The following ELOVL6 variants were observed in gnomAD, a reference collection of about 807,000 sequenced individuals.
ELOVL6 encodes ELOVL fatty acid elongase 6, also known as very long chain fatty acid elongase 6.
In ELOVL6, 8 loss-of-function variants were observed where a neutral mutation model predicts 31.7. The observed-to-expected ratio is 0.25, with a 90% CI of 0.15 to 0.45. The LOEUF (loss-of-function observed/expected upper bound fraction) is 0.45. Among genes scored for constraint, ELOVL6 ranks in the 20% least tolerant of loss-of-function variants. The probability of loss-of-function intolerance (pLI) is 1.00; values close to 1 mark genes in which losing one functional copy is unlikely to be tolerated. For missense variants in ELOVL6, 126 were observed against 326.4 expected (o/e 0.39, Z 4.73); for synonymous variants, 101 against 117.7 (o/e 0.86, Z 0.92).
intron 2 of ELOVL6, among the ~76,000 whole-genome samples, chr4:110,084,185 A>ACATATAACTTATGTGATATATATAT (rs1756066682): frequency 3.0e-5 from 2 of 67,592 alleles, no homozygotes; most frequent in East Asian, 6.3e-4. Context: ...GATATATATA[A>ACATATAACTTATGTGATATATATAT]CATATAACTT....
chr4:110,056,802 T>C (rs1427272053), intron 3 of ELOVL6, among the ~76,000 whole-genome samples: 1 of 152,144 alleles, frequency 6.6e-6, no homozygotes, highest in Non-Finnish European at 1.5e-5. Context: ...TGACTGCAAA[T>C]AGGAGACTGG....
At chr4:110,127,651 A>G (rs546158200) in intron 1 of ELOVL6, among the ~76,000 whole-genome samples, 2 of 152,270 alleles carry the variant, frequency 1.3e-5, no homozygotes, top group African/African-American at 4.8e-5. Context: ...AAATATATTT[A>G]TTTAATAAAA....
chr4:110,046,003 T>C lies in ELOVL6; in HGVS notation c.*5335A>G, dbSNP rs1028957070. ...TTATATGGGTGGGCTTCCATATGAA[T>C]ATGGGCTCTGAGGTCCCCAAGAAGC... On this transcript the variant is annotated 3_prime_UTR_variant, in exon 4 of 4. Coordinates refer to ENST00000302274, the MANE Select transcript of ELOVL6 (RefSeq NM_024090.3). 6.6e-6 allele frequency: 1 copy of C among 152,166 alleles called. No homozygotes were observed. Among genetic ancestry groups the C allele is most frequent in the Non-Finnish European group, 1.5e-5 (1 of 68,032 alleles). 9.4% of individuals were successfully genotyped at this position (152,166 alleles called of 1,614,324 possible). A position where few individuals can be genotyped will look rare whatever the true frequency, so the allele number is the denominator to read the frequency against.
At chr4:110,059,338 G>A (rs1038584277) in intron 3 of ELOVL6, among the ~76,000 whole-genome samples, 15 of 152,158 alleles carry the variant, frequency 9.9e-5, no homozygotes, top group Admixed American at 5.2e-4. Context: ...TTATAAGTCC[G>A]TGGAGGTATA....
At chr4:110,110,710 G>GTATTAAATTAAT (rs1183589763) in intron 1 of ELOVL6, among the ~76,000 whole-genome samples, 2 of 151,996 alleles carry the variant, frequency 1.3e-5, no homozygotes, top group Non-Finnish European at 2.9e-5. Flanking sequence ...GGTTTTATTC[G>GTATTAAATTAAT]TAAGTAAATT....
intron 1 of ELOVL6, among the ~76,000 whole-genome samples, chr4:110,188,620 G>C (rs1259417627): frequency 6.6e-6 from 1 of 152,130 alleles, no homozygotes; most frequent in Non-Finnish European, 1.5e-5. Context: ...AGGCGCGGTG[G>C]CTCATGACTG....
chr4:110,052,839 C>T (rs1208499692), intron 3 of ELOVL6, among the ~76,000 whole-genome samples: 1 of 152,236 alleles, frequency 6.6e-6, no homozygotes, highest in Non-Finnish European at 1.5e-5. Context: ...TTTCTCCTTC[C>T]TATCTCTATG....
At chr4:110,152,047 T>C (rs1046106163) in intron 1 of ELOVL6, among the ~76,000 whole-genome samples, 2 of 152,044 alleles carry the variant, frequency 1.3e-5, no homozygotes, top group African/African-American at 2.4e-5. Flanking sequence ...TAAAAGGGAG[T>C]TTAATACAGA....
intron 2 of ELOVL6, among the ~76,000 whole-genome samples, chr4:110,093,723 C>T (rs1260580955): frequency 6.6e-6 from 1 of 151,980 alleles, no homozygotes; most frequent in Non-Finnish European, 1.5e-5. Context: ...ATCAGACAGA[C>T]AAAAATCACT....
intron 1 of ELOVL6, among the ~76,000 whole-genome samples, chr4:110,160,020 A>G (rs910361767): frequency 4.6e-5 from 7 of 152,172 alleles, no homozygotes; most frequent in African/African-American, 1.7e-4. Context: ...AACATTAGGA[A>G]AAGTGGCACC....
intron 2 of ELOVL6, among the ~76,000 whole-genome samples, chr4:110,103,019 T>G (rs570742141): frequency 5.3e-4 from 80 of 152,300 alleles, no homozygotes; most frequent in African/African-American, 1.7e-3. Flanking sequence ...ATAAGTCTTA[T>G]GAGATCTGAT....
chr4:110,079,907 A>G (rs371524101), intron 2 of ELOVL6, among the ~76,000 whole-genome samples: 37,662 of 151,948 alleles, frequency 0.25, 4,864 homozygotes, highest in Non-Finnish European at 0.29. Flanking sequence ...GATAAAGGGG[A>G]TATCACCACC....
intron 2 of ELOVL6, among the ~76,000 whole-genome samples, chr4:110,080,524 T>C (rs1380590678): frequency 6.6e-6 from 1 of 152,184 alleles, no homozygotes; most frequent in East Asian, 1.9e-4. Flanking sequence ...AGAAAAGGCC[T>C]TTGACAAAAT....
At chr4:110,134,248 A>G (rs1451155591) in intron 1 of ELOVL6, among the ~76,000 whole-genome samples, 1 of 152,208 alleles carries the variant, frequency 6.6e-6, no homozygotes, top group Non-Finnish European at 1.5e-5. Context: ...GCTTGAAGTG[A>G]CGAGAGAACA....
chr4:110,083,608 G>C (rs1755953453), intron 2 of ELOVL6, among the ~76,000 whole-genome samples: 1 of 151,626 alleles, frequency 6.6e-6, no homozygotes, highest in African/African-American at 2.4e-5. Context: ...TAGGTTTTAA[G>C]CAGGTAATGA....
chr4:110,084,047 T>TGCTATATATGATATATAACATATATAC (rs1560813723), intron 2 of ELOVL6, among the ~76,000 whole-genome samples: 6 of 111,000 alleles, frequency 5.4e-5, no homozygotes, highest in African/African-American at 1.8e-4. Context: ...ATATAACACA[T>TGCTATATATGATATATAACATATATAC]GCTATATATG....
intron 2 of ELOVL6, among the ~76,000 whole-genome samples, chr4:110,081,066 C>T (rs2126231579): frequency 6.6e-6 from 1 of 152,232 alleles, no homozygotes; most frequent in South Asian, 2.1e-4. Flanking sequence ...AGGAGAACTA[C>T]AAACCACTGC....
At chr4:110,084,289 T>A (rs1270999971) in intron 2 of ELOVL6, among the ~76,000 whole-genome samples, 1 of 111,660 alleles carries the variant, frequency 9.0e-6, no homozygotes, top group Non-Finnish European at 1.7e-5. Context: ...CATATATAAC[T>A]TATATATGAT....
intron 2 of ELOVL6, among the ~76,000 whole-genome samples, chr4:110,078,411 C>T (rs931463512): frequency 1.3e-5 from 2 of 152,150 alleles, no homozygotes; most frequent in Non-Finnish European, 2.9e-5. Flanking sequence ...CTCTACAAGC[C>T]AGAAGAGAGT....
Sources: allele counts gnomAD v4.1 joint callset (sites outside exome capture counted in the v4.1 genomes callset), GRCh38; gene constraint gnomAD v4.1.1; transcripts MANE v1.5; gene names NCBI Gene and HGNC (gene_info 2026-07-23, HGNC 2026-07-21).